Variants in DENND4C observed in about 807,000 individuals in gnomAD.
DENND4C encodes the protein DENN domain-containing protein 4C.
Under a neutral mutation model 203.0 loss-of-function variants are expected in DENND4C, and 108 were observed. That is an observed-to-expected ratio of 0.53 (90% CI 0.46 to 0.62). The LOEUF (loss-of-function observed/expected upper bound fraction) is 0.62, where lower values mean the gene tolerates loss of function less well. Among genes scored for constraint, DENND4C ranks in the 20% least tolerant of loss-of-function variants. The pLI, the probability that DENND4C is intolerant of heterozygous loss-of-function variation, is 0.00. For missense variants in DENND4C, 2,481 were observed against 2,301.2 expected (o/e 1.08, Z -1.60); for synonymous variants, 871 against 792.4 (o/e 1.10, Z -1.67).
intron 1 of DENND4C, among the ~76,000 whole-genome samples, chr9:19,250,914 G>T (rs1037570866): frequency 6.6e-6 from 1 of 152,326 alleles, no homozygotes; most frequent in South Asian, 2.1e-4. Context: ...TCATGGGCTG[G>T]TGATGAGTGT....
intron 1 of DENND4C, among the ~76,000 whole-genome samples, chr9:19,252,198 C>T (rs139913855): frequency 4.6e-4 from 70 of 152,236 alleles, no homozygotes; most frequent in Middle Eastern, 3.4e-3. Context: ...ATGTGAATGG[C>T]AGCAGGCAAA....
At chr9:19,353,867 CG>C (rs1459493190) in intron 26 of DENND4C, among the ~76,000 whole-genome samples, 1 of 151,882 alleles carries the variant, frequency 6.6e-6, no homozygotes, top group Non-Finnish European at 1.5e-5. Flanking sequence ...ACCCAGGAGG[CG>C]AAGGTTGCAG....
At chr9:19,325,475 C>G (rs1843575403) in intron 13 of DENND4C, among the ~76,000 whole-genome samples, 1 of 152,096 alleles carries the variant, frequency 6.6e-6, no homozygotes, top group Non-Finnish European at 1.5e-5. Flanking sequence ...TTATGGCCCC[C>G]TCATGATTCA....
chr9:19,291,078 A>G, intron 5 of DENND4C, among the ~76,000 whole-genome samples: 1 of 152,226 alleles, frequency 6.6e-6, no homozygotes, highest in East Asian at 1.9e-4. Flanking sequence ...TACAGAAGCA[A>G]AGATAAAGTC....
chr9:19,300,260 C>A lies in DENND4C; in HGVS notation c.1240C>A (p.Leu414Ile). The change falls in exon 9 of 33, where the codon CTT becomes ATT. Residue 414 changes from leucine to isoleucine, a missense_variant. Around this residue, in one of 3 missense-constraint regions of DENND4C, gnomAD observed 2,289 missense variants for 2,113.3 expected, o/e 1.08. Coordinates refer to ENST00000434457, the MANE Select transcript of DENND4C (RefSeq NM_001330640.2). Reference sequence around the variant, plus strand: ...TGCAACACTGCTGCTCTTTGTTTTACTTGAGAGTAAAATTCTGCTGCATTC... The same window carrying A: ...TGCAACACTGCTGCTCTTTGTTTTAATTGAGAGTAAAATTCTGCTGCATTC... The part of the protein sequence containing the change: ...NCATLLLFVL[L>I]ESKILLHSLR... The A allele has an allele frequency of 1.2e-6, 2 of 1,612,504 alleles. No individual in the cohort carries two copies. Among genetic ancestry groups the A allele is most frequent in the Non-Finnish European group, 1.7e-6 (2 of 1,178,952 alleles).
chr9:19,362,844 T>C (rs570137375), intron 30 of DENND4C, among the ~76,000 whole-genome samples: 2 of 152,352 alleles, frequency 1.3e-5, no homozygotes, highest in South Asian at 4.1e-4. Context: ...TTATTATTCA[T>C]GTATTCAAAA....
At chr9:19,360,149 T>G (rs569618999) in intron 28 of DENND4C, 95 bp from the exon 29 acceptor site, 4 of 1,294,744 alleles carry the variant, frequency 3.1e-6, no homozygotes, top group Admixed American at 2.2e-5. Flanking sequence ...ATAACTGATT[T>G]AAAAAGGATA....
chr9:19,242,687 C>T (rs1361446773), intron 1 of DENND4C, among the ~76,000 whole-genome samples: 8 of 151,416 alleles, frequency 5.3e-5, no homozygotes, highest in Admixed American at 2.0e-4. Context: ...ACGGAGTCTC[C>T]ATTTGTTAAC....
intron 10 of DENND4C, among the ~76,000 whole-genome samples, chr9:19,314,114 A>G (rs1042487795): frequency 3.3e-5 from 5 of 151,672 alleles, no homozygotes; most frequent in African/African-American, 1.2e-4. Context: ...GATACAATGG[A>G]CTTTGGGGAC....
At chr9:19,308,705 T>G (rs1648236871) in intron 10 of DENND4C, among the ~76,000 whole-genome samples, 1 of 152,216 alleles carries the variant, frequency 6.6e-6, no homozygotes, top group Admixed American at 6.5e-5. Flanking sequence ...AGTACTGTTT[T>G]TGGTTCTTGT....
In DENND4C at chr9:19,282,110, GT is replaced by G. The variant is rs557540158; in HGVS notation, c.306-4654del. Among the ~76,000 whole-genome samples, 204 of 151,840 alleles carry G rather than the reference GT, an allele frequency of 1.3e-3. 1 individual carries two copies. The highest frequency in any genetic ancestry group is 4.0e-3 in the African/African-American group (165 of 41,448). On this transcript the variant is annotated intron_variant, in intron 2 of 32. Transcript: ENST00000434457. ...CCTTTTTACTTTATAAACTTTTAAA[GT>G]TTTTGTTAATTTTTTTGATTCTTTT...
At chr9:19,352,739 T>C (rs1263241886) in intron 26 of DENND4C, 74 bp downstream of exon 26, 22 of 1,225,910 alleles carry the variant, frequency 1.8e-5, no homozygotes, top group Non-Finnish European at 2.4e-5. Context: ...GAGTGAAATA[T>C]TCCTGGTATG....
chr9:19,370,243 C>G (rs924665224), intron 31 of DENND4C, among the ~76,000 whole-genome samples: 1 of 152,126 alleles, frequency 6.6e-6, no homozygotes, highest in Non-Finnish European at 1.5e-5. Flanking sequence ...GGATTGCTTG[C>G]TTGAGCTCAG....
At chr9:19,286,521 C>T (rs1464872099) in intron 2 of DENND4C, among the ~76,000 whole-genome samples, 1 of 152,030 alleles carries the variant, frequency 6.6e-6, no homozygotes, top group Non-Finnish European at 1.5e-5. Flanking sequence ...TTGTTCAATC[C>T]TGTTTACACT....
At chr9:19,339,640 C>G (rs1354884298) in intron 20 of DENND4C, among the ~76,000 whole-genome samples, 2 of 152,032 alleles carry the variant, frequency 1.3e-5, no homozygotes, top group Non-Finnish European at 2.9e-5. Flanking sequence ...TATTTTTTTC[C>G]TCTCAGATGA....
intron 12 of DENND4C, among the ~76,000 whole-genome samples, chr9:19,324,106 T>G (rs1261526600): frequency 6.6e-6 from 1 of 152,054 alleles, no homozygotes; most frequent in Non-Finnish European, 1.5e-5. Context: ...TTTACTTGGG[T>G]CTCATCCCCA....
In DENND4C at chr9:19,350,791, G is replaced by T. The variant is rs1823941829; in HGVS notation, c.4407G>T (p.Gly1469=). 6.2e-7 allele frequency: 1 copy of T among 1,614,100 alleles called. No homozygotes were observed. ...TATCGCCTAACACAAGTATCTCAGG[G>T]TTGGTCCCCAGTGAACTTACCCAGA... ...ENISPNTSIS[G]LVPSELTQSN... Residue 1469 remains glycine, a synonymous_variant, in exon 24 of 33, where the codon GGG becomes GGT. Transcript: ENST00000434457.
chr9:19,327,967 C>G (rs1563807424), intron 15 of DENND4C, 63 bp from the exon 16 acceptor site: 1 of 1,450,446 alleles, frequency 6.9e-7, no homozygotes, highest in South Asian at 1.4e-5. Context: ...TGCCTAAACG[C>G]TGGAATAATA....
At chr9:19,354,380 A>G (rs1035401908) in intron 26 of DENND4C, among the ~76,000 whole-genome samples, 2 of 152,194 alleles carry the variant, frequency 1.3e-5, no homozygotes, top group African/African-American at 4.8e-5. Flanking sequence ...TAGTAAACAC[A>G]AAATATTGCT....
Sources: gnomAD v4.1 joint callset for allele counts (sites outside exome capture counted in the v4.1 genomes callset) on GRCh38, gnomAD v4.1.1 for gene constraint, gnomAD v4.1.1 regional missense constraint, MANE v1.5 for transcripts, NCBI Gene and HGNC (gene_info 2026-07-23, HGNC 2026-07-21) for gene names.